The following CHST11 variants were observed in gnomAD, a reference collection of about 807,000 sequenced individuals.
The protein encoded by CHST11 is carbohydrate sulfotransferase 11.
A neutral mutation model predicts 30.4 loss-of-function variants in CHST11; 9 were observed. The ratio of observed to expected loss-of-function variants is 0.30; its 90% CI spans 0.18 to 0.52. The LOEUF is 0.52. Among genes scored for constraint, CHST11 ranks in the 20% least tolerant of loss-of-function variants. The pLI is 0.97. For synonymous variants in CHST11, 152 were observed against 187.8 expected (o/e 0.81, Z 1.56); for missense variants, 348 against 460.6 (o/e 0.76, Z 2.24).
In CHST11 at chr12:104,667,082, A is replaced by C. The variant is rs371493759; in HGVS notation, c.204+65091A>C. 9.1e-4 allele frequency among the ~76,000 whole-genome samples: 138 copies of C among 152,304 alleles called. 1 individual carries two copies. Among genetic ancestry groups the C allele is most frequent in the African/African-American group, 3.1e-3 (129 of 41,574 alleles). On this transcript the variant is annotated intron_variant, in intron 2 of 2. Coordinates refer to ENST00000303694, the MANE Select transcript of CHST11 (RefSeq NM_018413.6). ...ATTTTCATTGACAGAACTTATGTTA[A>C]ATGATACGAAGTTATTTTGAGAGGT...
At chr12:104,686,746 C>T (rs1286524103) in intron 2 of CHST11, among the ~76,000 whole-genome samples, 2 of 152,158 alleles carry the variant, frequency 1.3e-5, no homozygotes, top group African/African-American at 4.8e-5. Context: ...CTCCCAGGCT[C>T]AAGCAATTCT....
intron 2 of CHST11, among the ~76,000 whole-genome samples, chr12:104,671,985 C>T (rs908353611): frequency 6.6e-6 from 1 of 152,176 alleles, no homozygotes. Context: ...GCACAGTTCC[C>T]AGGCAGCATT....
intron 1 of CHST11, chr12:104,552,798 C>G (rs1304959866): frequency 1.3e-5 from 2 of 152,212 alleles, no homozygotes; most frequent in Non-Finnish European, 2.9e-5. Context: ...AAGAGGAGTT[C>G]TGCGAGAACA....
intron 2 of CHST11, among the ~76,000 whole-genome samples, chr12:104,704,861 C>T (rs2040019389): frequency 6.6e-6 from 1 of 152,070 alleles, no homozygotes; most frequent in African/African-American, 2.4e-5. Flanking sequence ...ATCCGGCCAC[C>T]TTGGCCCCTC....
chr12:104,530,812 G>A (rs1413581867), intron 1 of CHST11, among the ~76,000 whole-genome samples: 1 of 152,208 alleles, frequency 6.6e-6, no homozygotes, highest in Non-Finnish European at 1.5e-5. Flanking sequence ...CCTTAAGAAG[G>A]TGGTGGAAGC....
At chr12:104,714,154 T>G (rs568509873) in intron 2 of CHST11, among the ~76,000 whole-genome samples, 1 of 152,178 alleles carries the variant, frequency 6.6e-6, no homozygotes, top group Non-Finnish European at 1.5e-5. Context: ...GGTCAGAGCA[T>G]GTGAAGAAGG....
At chr12:104,506,754 G>T (rs891616098) in intron 1 of CHST11, among the ~76,000 whole-genome samples, 1 of 152,218 alleles carries the variant, frequency 6.6e-6, no homozygotes, top group Non-Finnish European at 1.5e-5. Flanking sequence ...CTTGAGAGTT[G>T]CTCCGACAGA....
At chr12:104,504,987 G>A (rs997141609) in intron 1 of CHST11, among the ~76,000 whole-genome samples, 1 of 152,166 alleles carries the variant, frequency 6.6e-6, no homozygotes, top group African/African-American at 2.4e-5. Flanking sequence ...GAATGCAGAG[G>A]TGCAAGTCTG....
intron 1 of CHST11, among the ~76,000 whole-genome samples, chr12:104,556,736 T>C (rs540393839): frequency 3.3e-4 from 51 of 152,314 alleles, no homozygotes; most frequent in Admixed American, 1.2e-3. Context: ...ATCCCAGCAC[T>C]TTGGGAGGCC....
At chr12:104,511,981 A>C (rs1289924370) in intron 1 of CHST11, among the ~76,000 whole-genome samples, 6 of 152,214 alleles carry the variant, frequency 3.9e-5, no homozygotes, top group Non-Finnish European at 8.8e-5. Context: ...TCATCTCCAG[A>C]TCACTTATAA....
At chr12:104,485,611 T>C (rs1459922643) in intron 1 of CHST11, among the ~76,000 whole-genome samples, 1 of 152,140 alleles carries the variant, frequency 6.6e-6, no homozygotes, top group Non-Finnish European at 1.5e-5. Flanking sequence ...GCAGAAACAA[T>C]CGGTTTAGAC....
intron 2 of CHST11, among the ~76,000 whole-genome samples, chr12:104,701,086 T>G (rs528969646): frequency 6.6e-6 from 1 of 152,284 alleles, no homozygotes; most frequent in African/African-American, 2.4e-5. Context: ...ACCAGATGCC[T>G]GCCATAGTCC....
intron 1 of CHST11, among the ~76,000 whole-genome samples, chr12:104,488,743 G>A (rs1461823906): frequency 4.7e-4 from 7 of 14,744 alleles, no homozygotes; most frequent in Non-Finnish European, 9.3e-4. Flanking sequence ...GTGTACGCGT[G>A]TGTGTGTGTG....
chr12:104,678,575 T>TA (rs2039764276), intron 2 of CHST11, among the ~76,000 whole-genome samples: 1 of 152,222 alleles, frequency 6.6e-6, no homozygotes, highest in Non-Finnish European at 1.5e-5. Flanking sequence ...TCAAATGAAT[T>TA]AGACTATTCA....
Position 104,619,438 on chromosome 12 carries a change from G to A in CHST11, c.204+17447G>A, listed in dbSNP as rs564992824. Among the ~76,000 whole-genome samples, 13 of 152,216 alleles carry A rather than the reference G, an allele frequency of 8.5e-5. No individual in the cohort carries two copies. In the South Asian group the frequency reaches 1.2e-3, roughly 15 times the overall value. On this transcript the variant is annotated intron_variant, in intron 2 of 2. Transcript: ENST00000303694. ...ATGTTTCTTTTTTGAGCTCTTCCCTGCCTAGGCACAGTAACCATGTGTAAT... is the reference window on the plus strand; with the variant it reads ...ATGTTTCTTTTTTGAGCTCTTCCCTACCTAGGCACAGTAACCATGTGTAAT...
chr12:104,581,908 A>T (rs1210346850), intron 1 of CHST11, among the ~76,000 whole-genome samples: 1 of 152,216 alleles, frequency 6.6e-6, no homozygotes, highest in Non-Finnish European at 1.5e-5. Flanking sequence ...AACTAAAAGA[A>T]AAAGGAAGAG....
intron 2 of CHST11, among the ~76,000 whole-genome samples, chr12:104,691,058 C>T (rs1000888799): frequency 1.3e-5 from 2 of 152,148 alleles, no homozygotes; most frequent in Non-Finnish European, 2.9e-5. Flanking sequence ...CATCTTCTTT[C>T]CTCCCAACTC....
intron 1 of CHST11, among the ~76,000 whole-genome samples, chr12:104,489,466 CCTAT>C (rs2037723580): frequency 2.6e-5 from 4 of 151,862 alleles, no homozygotes; most frequent in Admixed American, 2.6e-4. Flanking sequence ...GTAGGAATAC[CCTAT>C]CTTTTATTTA....
At chr12:104,712,440 T>C (rs1216929797) in intron 2 of CHST11, among the ~76,000 whole-genome samples, 4 of 152,070 alleles carry the variant, frequency 2.6e-5, no homozygotes, top group African/African-American at 9.7e-5. Flanking sequence ...TACAACCACT[T>C]CTTTACACGT....
Sources: gnomAD v4.1 joint callset for allele counts (sites outside exome capture counted in the v4.1 genomes callset) on GRCh38, gnomAD v4.1.1 for gene constraint, MANE v1.5 for transcripts, NCBI Gene and HGNC (gene_info 2026-07-23, HGNC 2026-07-21) for gene names.